APBB2: variants seen among roughly 807,000 people sequenced by gnomAD.
APBB2 encodes amyloid beta precursor protein binding family B member 2.
A neutral mutation model predicts 82.5 loss-of-function variants in APBB2; 38 were observed. That is an observed-to-expected ratio of 0.46 (90% CI 0.36 to 0.60). The LOEUF (loss-of-function observed/expected upper bound fraction) is 0.60, where lower values mean the gene tolerates loss of function less well. APBB2 is among the 20% of genes least tolerant of loss of function. The pLI, the probability that APBB2 is intolerant of heterozygous loss-of-function variation, is 0.00. For missense variants in APBB2, 772 were observed against 972.3 expected (o/e 0.79, Z 2.74); for synonymous variants, 341 against 368.2 (o/e 0.93, Z 0.85).
At chr4:41,136,540 A>C (rs1450435017) in intron 2 of APBB2, among the ~76,000 whole-genome samples, 1 of 152,228 alleles carries the variant, frequency 6.6e-6, no homozygotes, top group Non-Finnish European at 1.5e-5. Flanking sequence ...CACACATGTC[A>C]GTTGCCATCA....
intron 1 of APBB2, among the ~76,000 whole-genome samples, chr4:41,173,341 T>C (rs1271678414): frequency 6.6e-6 from 1 of 152,192 alleles, no homozygotes; most frequent in Non-Finnish European, 1.5e-5. Context: ...TAACAGCAGC[T>C]AAATTCTCCT....
intron 3 of APBB2, among the ~76,000 whole-genome samples, chr4:41,087,644 G>C (rs1340480582): frequency 6.6e-6 from 1 of 151,646 alleles, no homozygotes; most frequent in Non-Finnish European, 1.5e-5. Flanking sequence ...CGGCCAGTTG[G>C]TCTTAAACTC....
chr4:41,079,310 T>C (rs1170666094), intron 3 of APBB2, among the ~76,000 whole-genome samples: 1 of 152,238 alleles, frequency 6.6e-6, no homozygotes, highest in African/African-American at 2.4e-5. Context: ...CTTAAACCAT[T>C]AAGCTAGTCT....
At chr4:40,984,610 G>A (rs988113380) in intron 6 of APBB2, among the ~76,000 whole-genome samples, 12 of 152,072 alleles carry the variant, frequency 7.9e-5, no homozygotes, top group African/African-American at 2.4e-4. Flanking sequence ...AGTGATAAGC[G>A]TTCTTCTAGA....
chr4:41,088,176 A>G (rs1322329084), intron 3 of APBB2, among the ~76,000 whole-genome samples: 1 of 152,242 alleles, frequency 6.6e-6, no homozygotes, highest in Non-Finnish European at 1.5e-5. Flanking sequence ...AAGGTCACAT[A>G]AGGAGGTGGT....
intron 3 of APBB2, among the ~76,000 whole-genome samples, chr4:41,066,053 A>G (rs1239325290): frequency 6.6e-6 from 1 of 152,150 alleles, no homozygotes; most frequent in African/African-American, 2.4e-5. Flanking sequence ...TGACATCTGA[A>G]CTAATATCCT....
intron 6 of APBB2, among the ~76,000 whole-genome samples, chr4:40,999,485 C>T (rs1406012884): frequency 6.6e-6 from 1 of 152,152 alleles, no homozygotes; most frequent in Non-Finnish European, 1.5e-5. Context: ...GTCCTGGGCA[C>T]TGTTTATTCT....
chr4:40,845,377 G>A (rs748769842), intron 12 of APBB2, among the ~76,000 whole-genome samples: 6 of 152,076 alleles, frequency 3.9e-5, no homozygotes, highest in African/African-American at 7.2e-5. Flanking sequence ...CTCCCTTCTC[G>A]CTGTACAAGA....
rs371607683 is a variant in APBB2 at position 40,960,446 on chromosome 4, G to GTTT, written c.836-15374_836-15373insAAA. On this transcript the variant is annotated intron_variant, in intron 6 of 17. Transcript: ENST00000508593. ...CATCAAAAACAGAAATTTTTTTTCG[G>GTTT]GTTTTTTTTTTTTTTTTTTGAGACG... Among the ~76,000 whole-genome samples, 807 of 120,526 alleles carry GTTT rather than the reference G, an allele frequency of 6.7e-3. 222 individuals carry two copies. Among genetic ancestry groups the GTTT allele is most frequent in the East Asian group, 0.013 (52 of 4,108 alleles). The allele number at this position is 120,526 out of a possible 152,430, so 79.1% of individuals were successfully genotyped here. A position where few individuals can be genotyped will look rare whatever the true frequency, so the allele number is the denominator to read the frequency against.
In APBB2 at chr4:41,188,903, C is replaced by T. The variant is rs139176021; in HGVS notation, c.-417+25502G>A. On this transcript the variant is annotated intron_variant, in intron 1 of 17. Transcript: ENST00000508593. ...ACTCCAGCCTAGGTGACAGTGAGAC[C>T]CCGTCTCAATTCAAAAAAAGAAAAA... Among the ~76,000 whole-genome samples, 7 of 152,086 alleles carry T rather than the reference C, an allele frequency of 4.6e-5. No individual in the cohort carries two copies. In the East Asian group the frequency reaches 1.4e-3, roughly 29 times the overall value.
intron 2 of APBB2, among the ~76,000 whole-genome samples, chr4:41,105,318 A>G (rs968610571): frequency 2.0e-5 from 3 of 152,202 alleles, no homozygotes; most frequent in Non-Finnish European, 4.4e-5. Flanking sequence ...TAGCATTTTC[A>G]TATAGGTTCT....
chr4:40,950,127 A>G (rs577689273), intron 6 of APBB2, among the ~76,000 whole-genome samples: 1 of 152,336 alleles, frequency 6.6e-6, no homozygotes, highest in African/African-American at 2.4e-5. Flanking sequence ...TCAAGTCACA[A>G]CACAATAGAT....
At chr4:41,083,362 AG>A (rs1319894503) in intron 3 of APBB2, among the ~76,000 whole-genome samples, 1 of 152,092 alleles carries the variant, frequency 6.6e-6, no homozygotes, top group Non-Finnish European at 1.5e-5. Context: ...TAGGGCTTAC[AG>A]GTCATTTTTT....
intron 1 of APBB2, among the ~76,000 whole-genome samples, chr4:41,185,489 G>A (rs1456336219): frequency 6.6e-6 from 1 of 152,188 alleles, no homozygotes; most frequent in Admixed American, 6.5e-5. Flanking sequence ...ATCACTCTGT[G>A]ACACCTTTAT....
chr4:41,059,993 A>T (rs202168467), intron 4 of APBB2, among the ~76,000 whole-genome samples: 37,128 of 151,372 alleles, frequency 0.25, 4,814 homozygotes, highest in Non-Finnish European at 0.29. Flanking sequence ...AAAAAAAATA[A>T]AATAATAATA....
chr4:40,841,205 A>C (rs1185013378), intron 12 of APBB2, among the ~76,000 whole-genome samples: 2 of 152,162 alleles, frequency 1.3e-5, no homozygotes, highest in Non-Finnish European at 2.9e-5. Context: ...GTGGCAGGAA[A>C]TACCAGCTGA....
intron 6 of APBB2, among the ~76,000 whole-genome samples, chr4:40,959,098 C>T (rs1214937578): frequency 6.6e-6 from 1 of 152,194 alleles, no homozygotes; most frequent in African/African-American, 2.4e-5. Flanking sequence ...CTCGTCCTAA[C>T]CACAGTATTC....
chr4:41,142,113 A>C (rs1259348390), intron 2 of APBB2, among the ~76,000 whole-genome samples: 1 of 152,220 alleles, frequency 6.6e-6, no homozygotes, highest in Non-Finnish European at 1.5e-5. Context: ...CTGGGCAGAC[A>C]AAGCCAACAG....
At chr4:41,146,358 G>A (rs140714830) in intron 1 of APBB2, among the ~76,000 whole-genome samples, 2,965 of 145,402 alleles carry the variant, frequency 0.02, 103 homozygotes, top group African/African-American at 0.072. Flanking sequence ...ACCCGGGCAT[G>A]ATGGCACATG....
Sources: gnomAD v4.1 joint callset for allele counts (sites outside exome capture counted in the v4.1 genomes callset) on GRCh38, gnomAD v4.1.1 for gene constraint, MANE v1.5 for transcripts, NCBI Gene and HGNC (gene_info 2026-07-23, HGNC 2026-07-21) for gene names.